RABGAP1: variants seen among roughly 807,000 people sequenced by gnomAD.
RABGAP1 encodes the protein RAB GTPase activating protein 1.
In RABGAP1, 23 loss-of-function variants were observed where a neutral mutation model predicts 137.6. The observed-to-expected ratio is 0.17, with a 90% confidence interval of 0.12 to 0.24. RABGAP1 has a LOEUF of 0.24. Among genes scored for constraint, RABGAP1 ranks in the 10% least tolerant of loss-of-function variants. The pLI, the probability that RABGAP1 is intolerant of heterozygous loss-of-function variation, is 1.00. For missense variants in RABGAP1, 906 were observed against 1,275.8 expected, an observed-to-expected ratio of 0.71 and a Z score of 4.42; for synonymous variants, 451 against 450.7, an observed-to-expected ratio of 1.00 and a Z score of -0.01.
intron 1 of RABGAP1, among the ~76,000 whole-genome samples, chr9:122,944,243 T>A (rs185639380): frequency 0.021 from 3,192 of 151,782 alleles, 87 homozygotes; most frequent in African/African-American, 0.061. Flanking sequence ...TTTTTTTTTT[T>A]AAAAGAGATA....
At chr9:122,964,407 T>A (rs1835017815) in intron 2 of RABGAP1, among the ~76,000 whole-genome samples, 1 of 152,110 alleles carries the variant, frequency 6.6e-6, no homozygotes, top group Non-Finnish European at 1.5e-5. Flanking sequence ...TAAGGTTAGT[T>A]TAACATCTGA....
chr9:123,076,579 T>C, intron 18 of RABGAP1, 55 bp from the exon 19 acceptor site: 1 of 1,535,808 alleles, frequency 6.5e-7, no homozygotes, highest in East Asian at 2.4e-5. Flanking sequence ...AAAAAACTTC[T>C]TGTGCATCCT....
chr9:123,074,629 C>T (rs779241671), intron 17 of RABGAP1, among the ~76,000 whole-genome samples: 1 of 152,174 alleles, frequency 6.6e-6, no homozygotes, highest in Non-Finnish European at 1.5e-5. Flanking sequence ...TCTGAAAAGA[C>T]GTACTGAATT....
At chr9:122,933,473 C>T in the RABGAP1 span, among the ~76,000 whole-genome samples, 2 of 126,388 alleles carry the variant, frequency 1.6e-5, no homozygotes, top group South Asian at 4.2e-4. Flanking sequence ...TTATTATTTG[C>T]GAGGGAGTCT....
At position 123,104,600 on chromosome 9, in the gene RABGAP1, C is replaced by T. The variant is rs1280582529; in HGVS notation, c.*1387C>T. On this transcript the variant is annotated 3_prime_UTR_variant, in exon 26 of 26. Coordinates refer to ENST00000373647, the MANE Select transcript of RABGAP1 (RefSeq NM_012197.4). ...CTTTTTCTTATTGGCTGTACTAACG[C>T]TTGCTGAGGTTATCTGTAATAAGGG... 1 of 152,362 alleles carries T rather than the reference C, an allele frequency of 6.6e-6. No individual in the cohort carries two copies. Among genetic ancestry groups the T allele is most frequent in the South Asian group, 2.1e-4 (1 of 4,822 alleles). The allele number at this position is 152,362 out of a possible 1,614,324, so 9.4% of individuals were successfully genotyped here. A position where few individuals can be genotyped will look rare whatever the true frequency, so the allele number is the denominator to read the frequency against.
chr9:123,066,323 C>G (rs1470592837), intron 14 of RABGAP1, among the ~76,000 whole-genome samples: 1 of 152,178 alleles, frequency 6.6e-6, no homozygotes, highest in East Asian at 1.9e-4. Context: ...TCTTTCTGAT[C>G]ATCCTTTTTA....
chr9:123,015,706 A>G (rs765841853), intron 12 of RABGAP1, 70 bp downstream of exon 12: 3 of 1,104,780 alleles, frequency 2.7e-6, no homozygotes, highest in Middle Eastern at 2.1e-4. Context: ...TTACCTAACT[A>G]TAATCAATTT....
intron 15 of RABGAP1, among the ~76,000 whole-genome samples, chr9:123,073,097 A>C (rs1292645857): frequency 6.6e-6 from 1 of 152,348 alleles, no homozygotes; most frequent in East Asian, 1.9e-4. Flanking sequence ...TTTTGCTAGA[A>C]TGAAATAGCA....
At chr9:123,020,207 T>G in intron 12 of RABGAP1, 102 bp from the exon 13 acceptor site, 1 of 1,059,082 alleles carries the variant, frequency 9.4e-7, no homozygotes, top group Non-Finnish European at 1.3e-6. Context: ...TGTTACCTTG[T>G]CACGTATTTG....
chr9:123,018,881 A>T (rs2031425218), intron 12 of RABGAP1, among the ~76,000 whole-genome samples: 1 of 152,188 alleles, frequency 6.6e-6, no homozygotes, highest in African/African-American at 2.4e-5. Context: ...TAATGTCAGG[A>T]TCCTGTTTTA....
chr9:123,055,254 C>T (rs186391031), intron 13 of RABGAP1, among the ~76,000 whole-genome samples: 2 of 152,152 alleles, frequency 1.3e-5, no homozygotes, highest in African/African-American at 2.4e-5. Flanking sequence ...TGCAATGGCA[C>T]GATCACAGCT....
chr9:123,045,620 TTGAA>T (rs1277764464), intron 13 of RABGAP1, among the ~76,000 whole-genome samples: 2 of 152,212 alleles, frequency 1.3e-5, no homozygotes, highest in African/African-American at 2.4e-5. Context: ...ATCTTCATCT[TTGAA>T]TGAAGATGAC....
At position 122,950,591 on chromosome 9, in the gene RABGAP1, A is replaced by G. The variant is rs575410497; in HGVS notation, c.-49-6420A>G. On this transcript the variant is annotated intron_variant, in intron 1 of 25. Coordinates refer to ENST00000373647, the MANE Select transcript of RABGAP1 (RefSeq NM_012197.4). ...ACACCTCTGTTATAACAAGCACTATATTATAATTACCTGTTTACTGGTCTG... is the reference window on the plus strand; with the variant it reads ...ACACCTCTGTTATAACAAGCACTATGTTATAATTACCTGTTTACTGGTCTG... Among the ~76,000 whole-genome samples, 6 of 152,078 alleles carry G rather than the reference A, an allele frequency of 3.9e-5. No individual in the cohort carries two copies. The East Asian group carries it at 1.2e-3, about 29-fold the overall frequency.
At chr9:123,033,984 G>A (rs1454614447) in intron 13 of RABGAP1, among the ~76,000 whole-genome samples, 1 of 152,178 alleles carries the variant, frequency 6.6e-6, no homozygotes, top group Non-Finnish European at 1.5e-5. Context: ...GATCTTGAAA[G>A]CTTGATGTTG....
rs1265533660 is a variant in RABGAP1 at position 123,065,443 on chromosome 9, C to T, written c.1890C>T (p.Ser630=). ...FKDTGGDGQD[S]LYKICKAYSV... is the part of the protein sequence containing the mutation. ...ACACAGGAGGAGATGGACAAGATTC[C>T]TTATATAAAATATGCAAGGTATTTC... The change falls in exon 14 of 26, where the codon TCC becomes TCT. Residue 630 remains serine (S), a synonymous_variant. Coordinates refer to ENST00000373647, the MANE Select transcript of RABGAP1 (RefSeq NM_012197.4). 1 of 1,603,760 alleles carries T rather than the reference C, an allele frequency of 6.2e-7. No individual in the cohort carries two copies. The highest frequency in any genetic ancestry group is 1.3e-5 in the African/African-American group (1 of 74,566).
chr9:123,103,999 G>GTGTA lies in RABGAP1; in HGVS notation c.*787_*788insGTAT, dbSNP rs1554734427. On this transcript the variant is annotated 3_prime_UTR_variant, in exon 26 of 26. Coordinates refer to ENST00000373647, the MANE Select transcript of RABGAP1 (RefSeq NM_012197.4). ...TGTGTGTGTGTGTGTGTGTGTGTAT[G>GTGTA]TATATATATATATAAATATCTTTCC... 1.7e-4 allele frequency: 20 copies of GTGTA among 120,176 alleles called. No homozygotes were observed. Among genetic ancestry groups the GTGTA allele is most frequent in the East Asian group, 8.5e-4 (4 of 4,700 alleles). 7.4% of individuals were successfully genotyped at this position (120,176 alleles called of 1,614,324 possible). A position where few individuals can be genotyped will look rare whatever the true frequency, so the allele number is the denominator to read the frequency against.
rs772987530 is a variant in RABGAP1 at position 122,990,026 on chromosome 9, C to T, written c.766-30C>T. ...AAAGGTATTTTATATCTTTTGATAA[C>T]AGCCCATTTCCTAACATGTCTGGTT... On this transcript the variant is annotated intron_variant, in intron 5 of 25. Transcript: ENST00000373647. The T allele has an allele frequency of 6.5e-6, 10 of 1,538,984 alleles. No individual in the cohort carries two copies. The South Asian group carries it at 1.2e-4, about 18-fold the overall frequency.
intron 1 of RABGAP1, among the ~76,000 whole-genome samples, chr9:122,946,621 C>CA (rs1833962952): frequency 6.6e-6 from 1 of 152,080 alleles, no homozygotes; most frequent in South Asian, 2.1e-4. Context: ...CCTGTGTTCC[C>CA]AGGGATAGCT....
At chr9:123,008,129 A>G (rs1458066275) in intron 10 of RABGAP1, among the ~76,000 whole-genome samples, 1 of 152,176 alleles carries the variant, frequency 6.6e-6, no homozygotes, top group African/African-American at 2.4e-5. Context: ...TTTCATAGTT[A>G]GAGTCCTTGG....
Sources: gnomAD v4.1 joint callset for allele counts (sites outside exome capture counted in the v4.1 genomes callset) on GRCh38, gnomAD v4.1.1 for gene constraint, MANE v1.5 for transcripts, NCBI Gene and HGNC (gene_info 2026-07-23, HGNC 2026-07-21) for gene names.